The following PTGFRN variants were observed in gnomAD, a reference collection of about 807,000 sequenced individuals.
The protein encoded by PTGFRN is prostaglandin F2 receptor inhibitor.
In PTGFRN, 35 loss-of-function variants were observed where a neutral mutation model predicts 83.2. The ratio of observed to expected loss-of-function variants is 0.42; its 90% confidence interval spans 0.32 to 0.56. The LOEUF (loss-of-function observed/expected upper bound fraction) is 0.56. Ranked by LOEUF, PTGFRN falls within the 20% of genes least tolerant of loss-of-function variation. PTGFRN has a pLI of 0.11. For missense variants in PTGFRN, 1,051 were observed against 1,179.5 expected (o/e 0.89, Z 1.60); for synonymous variants, 519 against 498.6 (o/e 1.04, Z -0.55).
chr1:116,977,578 C>T (rs1651192442), intron 7 of PTGFRN, among the ~76,000 whole-genome samples: 1 of 152,222 alleles, frequency 6.6e-6, no homozygotes, highest in African/African-American at 2.4e-5. Context: ...CACTCAAAAT[C>T]GCTCAACTAC....
chr1:116,980,427 A>G (rs866138220), intron 7 of PTGFRN, among the ~76,000 whole-genome samples: 2 of 152,244 alleles, frequency 1.3e-5, no homozygotes, highest in African/African-American at 4.8e-5. Context: ...TTGCAGCACT[A>G]TTCACAATAG....
At chr1:116,957,151 C>CTCTG (rs111380886) in intron 4 of PTGFRN, among the ~76,000 whole-genome samples, 1 of 146,830 alleles carries the variant, frequency 6.8e-6, no homozygotes, top group African/African-American at 2.5e-5. Context: ...CGCTGGCTCG[C>CTCTG]TGTGTGTGTG....
intron 6 of PTGFRN, among the ~76,000 whole-genome samples, chr1:116,968,295 C>T (rs1395102066): frequency 2.6e-5 from 4 of 151,868 alleles, no homozygotes; most frequent in Middle Eastern, 3.2e-3. Context: ...ACAATGAATG[C>T]AAGATATTTG....
At chr1:116,930,786 T>A (rs893201240) in intron 1 of PTGFRN, among the ~76,000 whole-genome samples, 5 of 152,164 alleles carry the variant, frequency 3.3e-5, no homozygotes, top group Non-Finnish European at 5.9e-5. Context: ...ATACACTGTT[T>A]TAGTCACCCT....
In PTGFRN at chr1:116,918,917, G is replaced by C. The variant is rs1361644142; in HGVS notation, c.49+8665G>C. On this transcript the variant is annotated intron_variant, in intron 1 of 8. Transcript: ENST00000393203. The surrounding 1 kb of genome is among the most constrained non-coding windows in gnomAD (Gnocchi z 4.1). ...AGGAGTACACGTGGGATAGGCAGGT[G>C]AGTGGGGCTTCCAGGCTTGATGCAC... Among the ~76,000 whole-genome samples the C allele has an allele frequency of 1.3e-5, 2 of 152,208 alleles. No homozygotes were observed. Among genetic ancestry groups the C allele is most frequent in the Admixed American group, 1.3e-4 (2 of 15,290 alleles).
chr1:116,945,641 T>C (rs913425544), intron 3 of PTGFRN, among the ~76,000 whole-genome samples: 2 of 152,078 alleles, frequency 1.3e-5, no homozygotes, highest in African/African-American at 4.8e-5. Flanking sequence ...AGGAGCTCTC[T>C]AGGGCAGGGC....
Position 116,961,582 on chromosome 1 carries a change from C to G in PTGFRN, c.1553C>G (p.Ser518Cys). 6.2e-7 allele frequency: 1 copy of G among 1,614,198 alleles called. No individual in the cohort carries two copies. The highest frequency in any genetic ancestry group is 8.5e-7 in the Non-Finnish European group (1 of 1,180,032). ...AGAGGCAATTATTACTGTGTTGTGT[C>G]TGCCTGGACCAAACAGCGGAACAAC... ...EDRGNYYCVV[S>C]AWTKQRNNSW... The change falls in exon 5 of 9, where the codon TCT (serine) becomes TGT (cysteine). Residue 518 changes from serine (S) to cysteine (C), a missense_variant. Ser to Cys is a moderately radical substitution (Grantham distance 112, BLOSUM62 -1). Around this residue, in one of 3 missense-constraint regions of PTGFRN, gnomAD observed 719 missense variants for 836.6 expected, o/e 0.86. Coordinates refer to ENST00000393203, the MANE Select transcript of PTGFRN (RefSeq NM_020440.4). The surrounding 1 kb of genome is among the most constrained non-coding windows in gnomAD (Gnocchi z 5.4).
intron 4 of PTGFRN, among the ~76,000 whole-genome samples, chr1:116,951,554 GC>G (rs1352163591): frequency 6.6e-6 from 1 of 152,248 alleles, no homozygotes; most frequent in Admixed American, 6.5e-5. Context: ...GCATAGGAAA[GC>G]TAGAATTGCT....
In PTGFRN at chr1:116,989,127, C is replaced by T. The variant is rs1157971148; in HGVS notation, c.*2160C>T. On this transcript the variant is annotated 3_prime_UTR_variant, in exon 9 of 9. Transcript: ENST00000393203. Reference sequence around the variant, plus strand: ...GAAGAAAGGGTGCTTAGCTTTGGACCTGACCGGGTGTGTGTAAAACCATGG... The same window carrying T: ...GAAGAAAGGGTGCTTAGCTTTGGACTTGACCGGGTGTGTGTAAAACCATGG... 1 of 152,244 alleles carries T rather than the reference C, an allele frequency of 6.6e-6. No homozygotes were observed. The highest frequency in any genetic ancestry group is 1.5e-5 in the Non-Finnish European group (1 of 68,070). 9.4% of individuals were successfully genotyped at this position (152,244 alleles called of 1,614,324 possible). A position where few individuals can be genotyped will look rare whatever the true frequency, so the allele number is the denominator to read the frequency against.
chr1:116,939,905 C>A (rs1650018556), intron 1 of PTGFRN, among the ~76,000 whole-genome samples: 1 of 152,196 alleles, frequency 6.6e-6, no homozygotes, highest in Non-Finnish European at 1.5e-5. Context: ...TGCTGCCATT[C>A]TCTTTGCTAA....
chr1:116,979,866 C>G (rs1390576914), intron 7 of PTGFRN, among the ~76,000 whole-genome samples: 2 of 152,142 alleles, frequency 1.3e-5, no homozygotes, highest in Non-Finnish European at 2.9e-5. Flanking sequence ...CCAAAATAGA[C>G]AAATGGGATC....
chr1:116,934,698 TTTTG>T (rs1282253663), intron 1 of PTGFRN, among the ~76,000 whole-genome samples: 10 of 152,210 alleles, frequency 6.6e-5, no homozygotes, highest in African/African-American at 2.4e-4. Flanking sequence ...TCTCTTTTGT[TTTTG>T]TTTATTTGGT....
In PTGFRN at chr1:116,949,549, C is replaced by T; in HGVS notation, c.1190C>T (p.Ala397Val). 1 of 1,613,390 alleles carries T rather than the reference C, an allele frequency of 6.2e-7. No individual in the cohort carries two copies. The highest frequency in any genetic ancestry group is 8.5e-7 in the Non-Finnish European group (1 of 1,179,864). Residue 397 changes from alanine to valine, a missense_variant, in exon 4 of 9, where the codon GCT becomes GTT. By Grantham distance (64) the Ala-to-Val change is moderately conservative. Around this residue, in one of 3 missense-constraint regions of PTGFRN, gnomAD observed 719 missense variants for 836.6 expected, o/e 0.86. Coordinates refer to ENST00000393203, the MANE Select transcript of PTGFRN (RefSeq NM_020440.4). ...GTGGCAGAGGCCGTGTCTTCCCCAG[C>T]TGGTGTGGGTGTGACCTGGCTAGGT... ...HKVAEAVSSPAGVGVTWLEPD... is the reference protein window; with the variant it reads ...HKVAEAVSSPVGVGVTWLEPD...
chr1:116,960,393 A>G (rs368744745), intron 4 of PTGFRN, among the ~76,000 whole-genome samples: 50 of 152,302 alleles, frequency 3.3e-4, no homozygotes, highest in African/African-American at 9.9e-4. Context: ...GGACAGAACC[A>G]TGGAGGTGCA....
At chr1:116,974,359 C>T in intron 7 of PTGFRN, 36 bp downstream of exon 7, 4 of 1,470,392 alleles carry the variant, frequency 2.7e-6, no homozygotes, top group Non-Finnish European at 3.8e-6. Flanking sequence ...CACCATGTTG[C>T]TTTCTGTAAA....
chr1:116,982,773 A>G (rs570010886), intron 7 of PTGFRN, among the ~76,000 whole-genome samples: 96 of 152,288 alleles, frequency 6.3e-4, no homozygotes, highest in Middle Eastern at 3.4e-3. Flanking sequence ...TCCCTTCACT[A>G]GTCAGTCATT....
At chr1:116,914,613 G>T (rs764950756) in intron 1 of PTGFRN, among the ~76,000 whole-genome samples, 2 of 152,086 alleles carry the variant, frequency 1.3e-5, no homozygotes, top group African/African-American at 2.4e-5. Flanking sequence ...AGTTAGCCGG[G>T]TATGGTGGCA....
At chr1:116,914,176 TCA>T (rs1491521703) in intron 1 of PTGFRN, among the ~76,000 whole-genome samples, 2 of 152,226 alleles carry the variant, frequency 1.3e-5, no homozygotes, top group African/African-American at 4.8e-5. Flanking sequence ...TGTCTTCAAC[TCA>T]CAGTTTCTAA....
In PTGFRN at chr1:116,967,401, A is replaced by G. The variant is rs1650872579; in HGVS notation, c.2059+71A>G. On this transcript the variant is annotated intron_variant, in intron 6 of 8. Transcript: ENST00000393203. Reference sequence around the variant, plus strand: ...CCTAGGGTTTTGATCAGATGCCCTCATTTTTTAAAACAGCTTTGTTAAGAT... The same window carrying G: ...CCTAGGGTTTTGATCAGATGCCCTCGTTTTTTAAAACAGCTTTGTTAAGAT... The G allele has an allele frequency of 2.7e-6, 4 of 1,456,044 alleles. No individual in the cohort carries two copies. In the African/African-American group the frequency reaches 5.7e-5, roughly 21 times the overall value. The allele number at this position is 1,456,044 out of a possible 1,614,324, so 90.2% of individuals were successfully genotyped here.
Sources: gnomAD v4.1 joint callset for allele counts (sites outside exome capture counted in the v4.1 genomes callset) on GRCh38, gnomAD v4.1.1 for gene constraint, gnomAD v4.1.1 regional missense constraint, Gnocchi (gnomAD v3.1) non-coding constraint, MANE v1.5 for transcripts, NCBI Gene and HGNC (gene_info 2026-07-23, HGNC 2026-07-21) for gene names.